PRR16: variants seen among roughly 807,000 people sequenced by gnomAD.
The protein encoded by PRR16 is proline rich 16, also known as protein Largen.
In PRR16, 6 loss-of-function variants were observed where a neutral mutation model predicts 18.2. The ratio of observed to expected loss-of-function variants is 0.33; its 90% CI spans 0.18 to 0.65. PRR16 has a LOEUF of 0.65. PRR16 is among the 30% of genes least tolerant of loss of function. The pLI is 0.74. For synonymous variants in PRR16, 151 were observed against 147.8 expected (o/e 1.02, Z -0.16); for missense variants, 412 against 376.6 (o/e 1.09, Z -0.78).
Position 120,464,467 on chromosome 5 carries a change from G to T in PRR16, c.-20G>T. 1 of 1,575,640 alleles carries T rather than the reference G, an allele frequency of 6.3e-7. No homozygotes were observed. Among genetic ancestry groups the T allele is most frequent in the Non-Finnish European group, 8.6e-7 (1 of 1,169,132 alleles). On this transcript the variant is annotated 5_prime_UTR_variant, in exon 1 of 2. Coordinates refer to ENST00000407149, the MANE Select transcript of PRR16 (RefSeq NM_001300783.2). ...TCCGCTCGCCCGCCTGTCCTGACCT[G>T]CCTCGCTTGCCCCCAAAGAATGTCA...
At chr5:120,771,187 A>ATACTT in the PRR16 span, among the ~76,000 whole-genome samples, 1 of 152,116 alleles carries the variant, frequency 6.6e-6, no homozygotes, top group African/African-American at 2.4e-5. Flanking sequence ...ATCTTTAGGT[A>ATACTT]TACTTTAAAT....
At chr5:120,503,815 G>A (rs1043621596) in intron 1 of PRR16, among the ~76,000 whole-genome samples, 1 of 146,112 alleles carries the variant, frequency 6.8e-6, no homozygotes, top group Non-Finnish European at 1.5e-5. Flanking sequence ...ACAGTCCCCA[G>A]AGTGTGATGT....
chr5:120,732,216 TTTATC>T, the PRR16 span, among the ~76,000 whole-genome samples: 1 of 152,220 alleles, frequency 6.6e-6, no homozygotes, highest in Non-Finnish European at 1.5e-5. Context: ...GAACAATTAA[TTTATC>T]AGTTGTCTGA....
chr5:120,531,945 C>G (rs906944632), intron 1 of PRR16, among the ~76,000 whole-genome samples: 2 of 152,046 alleles, frequency 1.3e-5, no homozygotes, highest in Admixed American at 6.6e-5. Context: ...ACAATGATAT[C>G]CAACTTGTTA....
chr5:120,786,533 AT>A, the PRR16 span, among the ~76,000 whole-genome samples: 35,169 of 139,426 alleles, frequency 0.25, 4,924 homozygotes, highest in Non-Finnish European at 0.31. Context: ...TATATTATAT[AT>A]ATTATTTTAA....
chr5:120,489,762 A>G (rs1192430401), intron 1 of PRR16, among the ~76,000 whole-genome samples: 3 of 152,006 alleles, frequency 2.0e-5, no homozygotes, highest in Non-Finnish European at 2.9e-5. Context: ...GGTCTTTACA[A>G]TTTGGCATGT....
At chr5:120,475,398 TTC>T (rs1176568946) in intron 1 of PRR16, among the ~76,000 whole-genome samples, 1 of 152,198 alleles carries the variant, frequency 6.6e-6, no homozygotes, top group South Asian at 2.1e-4. Context: ...CTCCTCTACT[TTC>T]TGTCTTACTT....
chr5:120,585,402 G>A (rs1414206434), intron 1 of PRR16, among the ~76,000 whole-genome samples: 6 of 152,026 alleles, frequency 3.9e-5, no homozygotes, highest in Non-Finnish European at 8.8e-5. Context: ...TTGAGGTCAG[G>A]AGTTCGAGAC....
At chr5:120,736,501 G>A in the PRR16 span, among the ~76,000 whole-genome samples, 1 of 143,774 alleles carries the variant, frequency 7.0e-6, no homozygotes, top group Non-Finnish European at 1.5e-5. Flanking sequence ...CTGACCTCAA[G>A]TGACCCGCCC....
At chr5:120,778,171 G>C in the PRR16 span, among the ~76,000 whole-genome samples, 3 of 152,136 alleles carry the variant, frequency 2.0e-5, no homozygotes, top group African/African-American at 7.2e-5. Context: ...TAATTTACAA[G>C]AATAATAGGT....
At chr5:120,567,425 T>A (rs1262328620) in intron 1 of PRR16, among the ~76,000 whole-genome samples, 1 of 152,178 alleles carries the variant, frequency 6.6e-6, no homozygotes, top group Non-Finnish European at 1.5e-5. Flanking sequence ...AATATTCATA[T>A]GAAATAGTCA....
At chr5:120,516,876 A>G (rs147149636) in intron 1 of PRR16, among the ~76,000 whole-genome samples, 51 of 152,232 alleles carry the variant, frequency 3.4e-4, no homozygotes, top group Middle Eastern at 6.8e-3. Flanking sequence ...CAATTTCCAT[A>G]TGGCTCATAT....
chr5:120,554,972 T>A (rs922933141), intron 1 of PRR16, among the ~76,000 whole-genome samples: 2 of 151,954 alleles, frequency 1.3e-5, no homozygotes, highest in Non-Finnish European at 2.9e-5. Context: ...GGTACTAGCA[T>A]TGAGGATGAA....
chr5:120,510,456 G>A (rs1369237873), intron 1 of PRR16, among the ~76,000 whole-genome samples: 3 of 152,148 alleles, frequency 2.0e-5, no homozygotes, highest in Non-Finnish European at 4.4e-5. Flanking sequence ...GCTTATCATT[G>A]TGCAACAGAG....
At chr5:120,672,367 C>G (rs930505846) in intron 1 of PRR16, among the ~76,000 whole-genome samples, 2 of 151,008 alleles carry the variant, frequency 1.3e-5, no homozygotes, top group African/African-American at 4.9e-5. Flanking sequence ...CTTCTAAGCA[C>G]TAAGAGAAGT....
chr5:120,658,327 G>GT (rs1491035284), intron 1 of PRR16: 74 of 121,036 alleles, frequency 6.1e-4, no homozygotes, highest in African/African-American at 1.9e-3. Context: ...TGCAGCTGTT[G>GT]TAACAGTTTC....
intron 1 of PRR16, among the ~76,000 whole-genome samples, chr5:120,550,993 A>G (rs1752236775): frequency 6.6e-6 from 1 of 151,868 alleles, no homozygotes; most frequent in Non-Finnish European, 1.5e-5. Flanking sequence ...TGATTCATAC[A>G]ATCAAGCTAA....
chr5:120,681,319 G>C (rs1475917394), intron 1 of PRR16, among the ~76,000 whole-genome samples: 1 of 151,894 alleles, frequency 6.6e-6, no homozygotes, highest in Non-Finnish European at 1.5e-5. Flanking sequence ...TATTTCAATA[G>C]TTTCTGCAAA....
chr5:120,493,897 T>G (rs1043881415), intron 1 of PRR16, among the ~76,000 whole-genome samples: 2 of 152,140 alleles, frequency 1.3e-5, no homozygotes, highest in Non-Finnish European at 2.9e-5. Flanking sequence ...CCATTTTCCA[T>G]GGTATAGATG....
Sources: allele counts gnomAD v4.1 joint callset (sites outside exome capture counted in the v4.1 genomes callset), GRCh38; gene constraint gnomAD v4.1.1; transcripts MANE v1.5; gene names NCBI Gene and HGNC (gene_info 2026-07-23, HGNC 2026-07-21).